HHIP: variants seen among roughly 807,000 people sequenced by gnomAD.
HHIP encodes the protein hedgehog interacting protein.
Under a neutral mutation model 74.0 loss-of-function variants are expected in HHIP, and 12 were observed. That is an observed-to-expected ratio of 0.16 (90% CI 0.10 to 0.26). The LOEUF is 0.26. Ranked by LOEUF, HHIP falls within the 10% of genes least tolerant of loss-of-function variation. HHIP has a pLI of 1.00. For missense variants in HHIP, 788 were observed against 845.0 expected (o/e 0.93, Z 0.84); for synonymous variants, 309 against 311.6 (o/e 0.99, Z 0.09).
intron 1 of HHIP, chr4:144,648,596 C>G (rs961081113): frequency 2.0e-5 from 3 of 152,120 alleles, no homozygotes; most frequent in Non-Finnish European, 4.4e-5. Flanking sequence ...TTATCAGGAG[C>G]CCTAAAGAAC....
chr4:144,648,954 T>C (rs1463540889), intron 1 of HHIP, among the ~76,000 whole-genome samples: 1 of 152,236 alleles, frequency 6.6e-6, no homozygotes, highest in East Asian at 1.9e-4. Context: ...TTAAGTTTGG[T>C]ACACTAGACT....
At chr4:144,646,997 G>C (rs752644541) in intron 1 of HHIP, 43 bp downstream of exon 1, 1 of 1,527,544 alleles carries the variant, frequency 6.5e-7, no homozygotes, top group East Asian at 2.3e-5. Context: ...TGGCATATTG[G>C]CTGGGTGGGG....
chr4:144,670,610 T>C (rs2126605626), intron 4 of HHIP, among the ~76,000 whole-genome samples: 2 of 151,312 alleles, frequency 1.3e-5, no homozygotes, highest in South Asian at 4.2e-4. Flanking sequence ...TTTCATAAAA[T>C]GGCATCTGTC....
chr4:144,670,484 A>T (rs1729004350), intron 4 of HHIP, among the ~76,000 whole-genome samples: 1 of 150,402 alleles, frequency 6.6e-6, no homozygotes, highest in Admixed American at 6.6e-5. Context: ...TAAATTATTT[A>T]CTTTTAGTTT....
intron 4 of HHIP, among the ~76,000 whole-genome samples, chr4:144,699,698 G>C (rs1012819846): frequency 6.6e-6 from 1 of 151,938 alleles, no homozygotes; most frequent in African/African-American, 2.4e-5. Context: ...TATCACTCAG[G>C]AAATTCCAAG....
intron 1 of HHIP, chr4:144,650,827 T>C (rs1304829938): frequency 6.6e-6 from 1 of 152,092 alleles, no homozygotes; most frequent in East Asian, 1.9e-4. Flanking sequence ...ATTCCAAAAA[T>C]TGTAAAAGAC....
intron 4 of HHIP, among the ~76,000 whole-genome samples, chr4:144,700,629 G>T (rs1053361306): frequency 6.6e-6 from 1 of 152,138 alleles, no homozygotes; most frequent in Admixed American, 6.6e-5. Context: ...ATCCACCATT[G>T]CTGGCTTTGA....
chr4:144,727,988 T>G (rs1192305795), intron 11 of HHIP, among the ~76,000 whole-genome samples: 1 of 152,162 alleles, frequency 6.6e-6, no homozygotes, highest in African/African-American at 2.4e-5. Flanking sequence ...TCTTTTAAAC[T>G]TAAGAATTAC....
At chr4:144,686,173 G>A (rs1330690758) in intron 4 of HHIP, among the ~76,000 whole-genome samples, 1 of 152,156 alleles carries the variant, frequency 6.6e-6, no homozygotes, top group African/African-American at 2.4e-5. Flanking sequence ...AGTAGCATAT[G>A]AATTGGTTAA....
chr4:144,743,070 G>A lies in HHIP; in HGVS notation c.*5113G>A, dbSNP rs982396787. The A allele has an allele frequency of 4.9e-5, 7 of 142,154 alleles. No homozygotes were observed. The highest frequency in any genetic ancestry group is 9.1e-5 in the Non-Finnish European group (6 of 66,094). 8.8% of individuals were successfully genotyped at this position (142,154 alleles called of 1,614,324 possible). On this transcript the variant is annotated 3_prime_UTR_variant, in exon 13 of 13. Coordinates refer to ENST00000296575, the MANE Select transcript of HHIP (RefSeq NM_022475.3). ...TATCTTAATACATATATATAACCAT[G>A]GAACCTGCCAAACACTAATCCTAGC...
At chr4:144,684,301 C>A (rs1729425671) in intron 4 of HHIP, among the ~76,000 whole-genome samples, 1 of 104,606 alleles carries the variant, frequency 9.6e-6, no homozygotes, top group Non-Finnish European at 1.7e-5. Context: ...CTTTGTCACC[C>A]AGGCTGGAGT....
Position 144,658,764 on chromosome 4 carries a change from A to G in HHIP, c.473-26A>G, listed in dbSNP as rs779719882. On this transcript the variant is annotated intron_variant, in intron 2 of 12. Transcript: ENST00000296575. Reference sequence around the variant, plus strand: ...TTTTACTATGACATTAGGTGCTTCTAATGAGTCTTTTTATATTTTTTAAAG... The same window carrying G: ...TTTTACTATGACATTAGGTGCTTCTGATGAGTCTTTTTATATTTTTTAAAG... 19 of 1,595,982 alleles carry G rather than the reference A, an allele frequency of 1.2e-5. No homozygotes were observed. The East Asian group carries it at 4.0e-4, about 34-fold the overall frequency.
At chr4:144,673,512 C>G (rs1729097583) in intron 4 of HHIP, among the ~76,000 whole-genome samples, 2 of 152,078 alleles carry the variant, frequency 1.3e-5, no homozygotes, top group South Asian at 4.2e-4. Flanking sequence ...GAATGAGACA[C>G]ACACACATAT....
In HHIP at chr4:144,646,280, T is replaced by A. The variant is rs1432869765; in HGVS notation, c.-396T>A. On this transcript the variant is annotated 5_prime_UTR_variant, in exon 1 of 13. Transcript: ENST00000296575. ...GTCGCCGTTTCTGTTCCTGCTACTGTCCCACCTAAACAACTCCCGTTACAC... is the reference window on the plus strand; with the variant it reads ...GTCGCCGTTTCTGTTCCTGCTACTGACCCACCTAAACAACTCCCGTTACAC... 1 of 178,546 alleles carries A rather than the reference T, an allele frequency of 5.6e-6. No individual in the cohort carries two copies. Among genetic ancestry groups the A allele is most frequent in the African/African-American group, 2.4e-5 (1 of 42,094 alleles). 11.1% of individuals were successfully genotyped at this position (178,546 alleles called of 1,614,324 possible). A position where few individuals can be genotyped will look rare whatever the true frequency, so the allele number is the denominator to read the frequency against.
At chr4:144,696,602 G>A (rs1024604658) in intron 4 of HHIP, among the ~76,000 whole-genome samples, 1 of 151,826 alleles carries the variant, frequency 6.6e-6, no homozygotes, top group African/African-American at 2.4e-5. Context: ...GTAGGGCACT[G>A]TAACATAATA....
At chr4:144,657,244 C>A (rs552821813) in intron 2 of HHIP, among the ~76,000 whole-genome samples, 21 of 152,272 alleles carry the variant, frequency 1.4e-4, no homozygotes, top group African/African-American at 5.1e-4. Context: ...CTAGGTCAAG[C>A]ACACAGAAAG....
At chr4:144,660,261 C>T (rs771678325) in intron 4 of HHIP, 24 of 211,330 alleles carry the variant, frequency 1.1e-4, no homozygotes, top group Non-Finnish European at 1.9e-4. Context: ...ATAAAAAATA[C>T]TACTTATACT....
chr4:144,684,231 AATTTTTTTTTTTTTTT>A, intron 4 of HHIP, among the ~76,000 whole-genome samples: 1 of 119,776 alleles, frequency 8.3e-6, no homozygotes, highest in Non-Finnish European at 1.7e-5. Flanking sequence ...AAAAAAAAAG[AATTTTTTTTTTTTTTT>A]TTTTTTTTTT....
rs550148277 is a variant in HHIP, at chr4:144,647,929, G to A, written c.279+975G>A. 2.6e-5 allele frequency among the ~76,000 whole-genome samples: 4 copies of A among 151,966 alleles called. No individual in the cohort carries two copies. In the East Asian group the frequency reaches 5.8e-4, roughly 22 times the overall value. On this transcript the variant is annotated intron_variant, in intron 1 of 12. Transcript: ENST00000296575. ...TTCCTCTGTTAGAACACTGCCAGTT[G>A]TCAAGGTCTGAGAGACTCTTGGAAA...
Sources: allele counts gnomAD v4.1 joint callset (sites outside exome capture counted in the v4.1 genomes callset), GRCh38; gene constraint gnomAD v4.1.1; transcripts MANE v1.5; gene names NCBI Gene and HGNC (gene_info 2026-07-23, HGNC 2026-07-21).